ATAD3B: variants seen among roughly 807,000 people sequenced by gnomAD.
ATAD3B encodes ATPase family AAA domain containing 3B.
In ATAD3B, 59 loss-of-function variants were observed where a neutral mutation model predicts 70.2. The observed-to-expected ratio is 0.84, with a 90% CI of 0.68 to 1.04. The LOEUF is 1.04. Ranked by LOEUF, ATAD3B falls within the 50% of genes least tolerant of loss-of-function variation. The pLI, the probability that ATAD3B is intolerant of heterozygous loss-of-function variation, is 0.00. For missense variants in ATAD3B, 961 were observed against 913.4 expected (o/e 1.05, Z -0.67); for synonymous variants, 423 against 388.6 (o/e 1.09, Z -1.04).
chr1:1,494,862 C>T (rs1640704408), intron 15 of ATAD3B, among the ~76,000 whole-genome samples: 1 of 152,016 alleles, frequency 6.6e-6, no homozygotes, highest in South Asian at 2.1e-4. Context: ...GGTGCCTCCC[C>T]TTGGGGACTC....
intron 13 of ATAD3B, chr1:1,489,711 G>T: frequency 7.6e-7 from 1 of 1,312,182 alleles, no homozygotes; most frequent in Non-Finnish European, 1.0e-6. Flanking sequence ...CGTGTCACAC[G>T]GAGGATCAAG....
intron 7 of ATAD3B, chr1:1,483,076 C>T (rs773529969): frequency 2.6e-5 from 12 of 454,226 alleles, no homozygotes; most frequent in South Asian, 1.2e-4. Flanking sequence ...GGGCGGATCA[C>T]GAGGTCCGGA....
intron 9 of ATAD3B, 135 bp from the exon 10 acceptor site, chr1:1,485,975 G>T: frequency 6.3e-7 from 1 of 1,589,822 alleles, no homozygotes; most frequent in Non-Finnish European, 8.6e-7. Flanking sequence ...GACTGTGCCG[G>T]GGATAGATAG....
At chr1:1,487,512 C>G (rs1209202337) in intron 11 of ATAD3B, among the ~76,000 whole-genome samples, 5 of 151,562 alleles carry the variant, frequency 3.3e-5, no homozygotes, top group African/African-American at 9.7e-5. Flanking sequence ...AGACCCTGCT[C>G]CTTGCGTGGA....
chr1:1,500,334 C>G (rs574125595), downstream of ATAD3B, among the ~76,000 whole-genome samples: 47 of 150,250 alleles, frequency 3.1e-4, 1 homozygote, highest in South Asian at 5.0e-3. Context: ...GGGCAGATCA[C>G]GAGGTCAGGA....
chr1:1,495,222 T>G (rs4436325), intron 15 of ATAD3B, among the ~76,000 whole-genome samples: 25,503 of 151,812 alleles, frequency 0.17, 4,789 homozygotes, highest in East Asian at 0.46. Context: ...CCGTCAGTGG[T>G]GCTCCGCCTT....
the ATAD3B span, among the ~76,000 whole-genome samples, chr1:1,505,086 C>T: frequency 6.6e-6 from 1 of 152,150 alleles, no homozygotes; most frequent in Admixed American, 6.5e-5. Context: ...CCACTGCCAC[C>T]TAGACGTGGA....
At chr1:1,503,210 C>T in the ATAD3B span, 3,986 of 181,858 alleles carry the variant, frequency 0.022, 180 homozygotes, top group African/African-American at 0.091. Context: ...GGCGACAGAG[C>T]GAGATTCCGT....
chr1:1,483,276 G>A (rs1246857070), intron 7 of ATAD3B, among the ~76,000 whole-genome samples: 1 of 151,834 alleles, frequency 6.6e-6, no homozygotes, highest in South Asian at 2.1e-4. Flanking sequence ...AGACCAGCAT[G>A]ACCAACATGG....
chr1:1,502,596 C>T (rs1219628626), downstream of ATAD3B, among the ~76,000 whole-genome samples: 1 of 149,058 alleles, frequency 6.7e-6, no homozygotes, highest in African/African-American at 2.5e-5. Context: ...ACTGCAACCT[C>T]CGCCTCCCGG....
At chr1:1,474,216 G>A (rs1290865126) in intron 1 of ATAD3B, among the ~76,000 whole-genome samples, 6 of 150,038 alleles carry the variant, frequency 4.0e-5, no homozygotes, top group African/African-American at 1.5e-4. Flanking sequence ...TTTTTTTGAC[G>A]GAGTCTCGCT....
rs1050354933 is a variant in ATAD3B, at chr1:1,497,802, G to C, written c.*1985G>C. The C allele has an allele frequency of 3.4e-5, 5 of 148,362 alleles. No homozygotes were observed. The highest frequency in any genetic ancestry group is 7.6e-5 in the African/African-American group (3 of 39,360). The allele number at this position is 148,362 out of a possible 1,614,324, so 9.2% of individuals were successfully genotyped here. A position where few individuals can be genotyped will look rare whatever the true frequency, so the allele number is the denominator to read the frequency against. On this transcript the variant is annotated 3_prime_UTR_variant, in exon 16 of 16. Coordinates refer to ENST00000673477, the MANE Select transcript of ATAD3B (RefSeq NM_031921.6). Reference sequence around the variant, plus strand: ...ACTCGCTTGGACCTGGGAGGGAGAGGTTGCAGTGAGCCGAGATCACGCCAC... The same window carrying C: ...ACTCGCTTGGACCTGGGAGGGAGAGCTTGCAGTGAGCCGAGATCACGCCAC...
chr1:1,488,011 G>A (rs1640326650), intron 12 of ATAD3B, 97 bp downstream of exon 12: 1 of 1,536,780 alleles, frequency 6.5e-7, no homozygotes, highest in African/African-American at 1.4e-5. Flanking sequence ...CTGGCTTGCA[G>A]TGGCGCAATC....
At chr1:1,486,459 G>A (rs1324527625) in intron 10 of ATAD3B, 85 bp from the exon 11 acceptor site, 15 of 1,587,470 alleles carry the variant, frequency 9.4e-6, no homozygotes, top group Admixed American at 1.8e-5. Flanking sequence ...CACCCGGCAG[G>A]GGCTCCACAC....
intron 4 of ATAD3B, among the ~76,000 whole-genome samples, chr1:1,480,538 T>G (rs964022502): frequency 6.8e-6 from 1 of 147,288 alleles, no homozygotes. Context: ...GCTTTAACGT[T>G]TAATTGGCGG....
rs1188408636 is a variant in ATAD3B, at chr1:1,497,295, G to A, written c.*1478G>A. Reference sequence around the variant, plus strand: ...TGTGATTATAGCTCACTGCAGCCTCGACCTCCCAGGCTCAAGTGATCCTCC... The same window carrying A: ...TGTGATTATAGCTCACTGCAGCCTCAACCTCCCAGGCTCAAGTGATCCTCC... On this transcript the variant is annotated 3_prime_UTR_variant, in exon 16 of 16. Transcript: ENST00000673477. 3 of 147,968 alleles carry A rather than the reference G, an allele frequency of 2.0e-5. No individual in the cohort carries two copies. Among genetic ancestry groups the A allele is most frequent in the Non-Finnish European group, 4.5e-5 (3 of 66,958 alleles). The allele number at this position is 147,968 out of a possible 1,614,324, so 9.2% of individuals were successfully genotyped here.
At chr1:1,486,961 C>T (rs1453955543) in intron 11 of ATAD3B, among the ~76,000 whole-genome samples, 2 of 151,172 alleles carry the variant, frequency 1.3e-5, no homozygotes, top group Non-Finnish European at 1.5e-5. Context: ...GGGGAGGCTC[C>T]TCCACAGCCG....
intron 15 of ATAD3B, 146 bp from the exon 16 acceptor site, chr1:1,495,339 T>C (rs1640727511): frequency 1.6e-5 from 18 of 1,149,466 alleles, no homozygotes; most frequent in Non-Finnish European, 1.8e-5. Context: ...CGTGCTGGGC[T>C]CTGCCAAGGT....
intron 15 of ATAD3B, 152 bp downstream of exon 15, chr1:1,490,823 A>T: frequency 6.8e-7 from 1 of 1,460,858 alleles, no homozygotes; most frequent in East Asian, 2.5e-5. Flanking sequence ...CCCCTGCCTC[A>T]GTCGGGCCAC....
Sources: gnomAD v4.1 joint callset for allele counts (sites outside exome capture counted in the v4.1 genomes callset) on GRCh38, gnomAD v4.1.1 for gene constraint, MANE v1.5 for transcripts, NCBI Gene and HGNC (gene_info 2026-07-23, HGNC 2026-07-21) for gene names.